The following KIAA1549 variants were observed in gnomAD, a reference collection of about 807,000 sequenced individuals.
The protein encoded by KIAA1549 is UPF0606 protein KIAA1549.
Under a neutral mutation model 156.4 loss-of-function variants are expected in KIAA1549, and 70 were observed. The ratio of observed to expected loss-of-function variants is 0.45; its 90% confidence interval spans 0.37 to 0.55. The LOEUF (loss-of-function observed/expected upper bound fraction) is 0.55, where lower values mean the gene tolerates loss of function less well. KIAA1549 is among the 20% of genes least tolerant of loss of function. KIAA1549 has a pLI of 0.00. For missense variants in KIAA1549, 2,428 were observed against 2,540.9 expected (o/e 0.96, Z 0.96); for synonymous variants, 1,103 against 1,066.4 (o/e 1.03, Z -0.67).
chr7:138,917,063 T>C lies in KIAA1549; in HGVS notation c.2563A>G (p.Thr855Ala), dbSNP rs1195330485. The change falls in exon 2 of 20, where the codon ACC becomes GCC. Residue 855 changes from threonine to alanine, a missense_variant. This residue lies in a region of KIAA1549 where 762 missense variants were observed against 901.6 expected (regional missense o/e 0.85). Coordinates refer to ENST00000422774, the MANE Select transcript of KIAA1549 (RefSeq NM_001164665.2). ...AGCTCTGTGGGCAGAGGGAAGGGGG[T>C]TGCTTCAGAAACAAACGAGGATCCT... The part of the protein sequence containing the change: ...PSGSSFVSEA[T>A]PFPLPTELTV... 1.2e-6 allele frequency: 2 copies of C among 1,607,474 alleles called. No homozygotes were observed. Among genetic ancestry groups the C allele is most frequent in the South Asian group, 2.2e-5 (2 of 89,662 alleles).
rs1183718241 is a variant in KIAA1549, at chr7:138,835,199, C to T, written c.*2707G>A. On this transcript the variant is annotated 3_prime_UTR_variant, in exon 20 of 20. Transcript: ENST00000422774. ...TGAAGACCGCTAGGGTACGGTGCTG[C>T]TCACACAGCTAGTTTTTTCTGAGTT... 9.2e-6 allele frequency: 2 copies of T among 217,122 alleles called. No individual in the cohort carries two copies. Among genetic ancestry groups the T allele is most frequent in the African/African-American group, 4.5e-5 (2 of 44,366 alleles). The allele number at this position is 217,122 out of a possible 1,614,324, so 13.4% of individuals were successfully genotyped here.
At chr7:138,878,859 ACAGC>A (rs2130400777) in intron 12 of KIAA1549, among the ~76,000 whole-genome samples, 1 of 152,230 alleles carries the variant, frequency 6.6e-6, no homozygotes, top group East Asian at 1.9e-4. Context: ...AGCAAATACA[ACAGC>A]TGCAGTAGCA....
chr7:138,951,032 C>G (rs1330173649), intron 1 of KIAA1549, among the ~76,000 whole-genome samples: 1 of 152,134 alleles, frequency 6.6e-6, no homozygotes, highest in Admixed American at 6.6e-5. Flanking sequence ...TAACCCTCCC[C>G]ATCCTTTGCA....
chr7:138,929,016 T>C (rs1812799359), intron 1 of KIAA1549, among the ~76,000 whole-genome samples: 2 of 152,190 alleles, frequency 1.3e-5, no homozygotes, highest in African/African-American at 4.8e-5. Context: ...TTGGTGGTGT[T>C]TTATCTCAGT....
chr7:138,976,291 G>A (rs1327053361), intron 1 of KIAA1549, among the ~76,000 whole-genome samples: 1 of 152,110 alleles, frequency 6.6e-6, no homozygotes, highest in African/African-American at 2.4e-5. Context: ...TGGCCAGGCT[G>A]GTCTCCAACT....
intron 6 of KIAA1549, 38 bp from the exon 7 acceptor site, chr7:138,905,119 C>T (rs1348875559): frequency 5.8e-6 from 8 of 1,388,398 alleles, no homozygotes; most frequent in African/African-American, 1.4e-5. Flanking sequence ...AGAAAAATAT[C>T]TGTAAAAACA....
At position 138,831,887 on chromosome 7, in the gene KIAA1549, C is replaced by CA; in HGVS notation, c.*6018_*6019insT. 4.3e-6 allele frequency: 1 copy of CA among 233,008 alleles called. No homozygotes were observed. 14.4% of individuals were successfully genotyped at this position (233,008 alleles called of 1,614,324 possible). A position where few individuals can be genotyped will look rare whatever the true frequency, so the allele number is the denominator to read the frequency against. ...TCGAGGGCGTTCCCACTCCCCTTTT[C>CA]TGAAACAAGTCCTCTGGTGCTTAGA... is the stretch of plus-strand genomic sequence containing the variant. On this transcript the variant is annotated 3_prime_UTR_variant, in exon 20 of 20. Transcript: ENST00000422774.
chr7:138,871,635 T>C (rs915109121), intron 12 of KIAA1549, among the ~76,000 whole-genome samples: 3 of 152,244 alleles, frequency 2.0e-5, no homozygotes, highest in Non-Finnish European at 4.4e-5. Flanking sequence ...CTGCACTGTT[T>C]TGTCTGTGGT....
At chr7:138,935,646 C>T (rs1465495373) in intron 1 of KIAA1549, among the ~76,000 whole-genome samples, 5 of 152,208 alleles carry the variant, frequency 3.3e-5, no homozygotes, top group African/African-American at 1.2e-4. Flanking sequence ...TGAGCAGGCA[C>T]CTTCCCTCCC....
chr7:138,912,223 G>A (rs1387060562), intron 3 of KIAA1549, 149 bp downstream of exon 3: 13 of 697,186 alleles, frequency 1.9e-5, no homozygotes, highest in Non-Finnish European at 3.4e-5. Context: ...TGGAGATCCA[G>A]AGGATGAGCA....
intron 3 of KIAA1549, 84 bp from the exon 4 acceptor site, chr7:138,911,407 A>C: frequency 9.4e-7 from 1 of 1,069,404 alleles, no homozygotes; most frequent in Non-Finnish European, 1.3e-6. Context: ...AAACTAAAAA[A>C]ACTGGTAGTT....
At chr7:138,850,148 A>G (rs1406532429) in intron 17 of KIAA1549, among the ~76,000 whole-genome samples, 2 of 152,216 alleles carry the variant, frequency 1.3e-5, no homozygotes, top group Non-Finnish European at 2.9e-5. Flanking sequence ...ATTTATTTAA[A>G]TATACTAATC....
At chr7:138,906,734 T>C (rs1563072013) in intron 6 of KIAA1549, among the ~76,000 whole-genome samples, 185 bp downstream of exon 6, 1 of 151,646 alleles carries the variant, frequency 6.6e-6, no homozygotes, top group Non-Finnish European at 1.5e-5. Context: ...TGCACCAGGA[T>C]CTCAAAAATC....
At chr7:138,932,217 G>A (rs781724847) in intron 1 of KIAA1549, among the ~76,000 whole-genome samples, 6 of 152,228 alleles carry the variant, frequency 3.9e-5, no homozygotes, top group Non-Finnish European at 5.9e-5. Context: ...ACATGCTCGT[G>A]TAAGTTCTTT....
intron 9 of KIAA1549, among the ~76,000 whole-genome samples, chr7:138,896,987 G>T (rs915444299): frequency 1.3e-5 from 2 of 152,072 alleles, no homozygotes; most frequent in African/African-American, 4.8e-5. Context: ...GCTGCCTTTG[G>T]GCTATCCCTG....
At chr7:138,869,935 C>T (rs1221630193) in intron 13 of KIAA1549, among the ~76,000 whole-genome samples, 174 bp from the exon 14 acceptor site, 2 of 152,156 alleles carry the variant, frequency 1.3e-5, no homozygotes, top group Non-Finnish European at 2.9e-5. Context: ...CTGCAACCTC[C>T]ACTTCCCGGG....
chr7:138,929,682 T>C (rs1812817780), intron 1 of KIAA1549, among the ~76,000 whole-genome samples: 1 of 152,270 alleles, frequency 6.6e-6, no homozygotes, highest in African/African-American at 2.4e-5. Flanking sequence ...ATATTTCTTT[T>C]ATCTTTTTGT....
intron 1 of KIAA1549, among the ~76,000 whole-genome samples, chr7:138,944,168 C>G (rs1584774946): frequency 6.6e-6 from 1 of 151,970 alleles, no homozygotes; most frequent in Non-Finnish European, 1.5e-5. Flanking sequence ...CAATGGATCT[C>G]TTGAACTTAC....
intron 1 of KIAA1549, among the ~76,000 whole-genome samples, chr7:138,934,740 G>A (rs935377772): frequency 6.6e-6 from 1 of 152,144 alleles, no homozygotes; most frequent in African/African-American, 2.4e-5. Flanking sequence ...CAAGTGGAAG[G>A]AAAATAGGAC....
Sources: gnomAD v4.1 joint callset for allele counts (sites outside exome capture counted in the v4.1 genomes callset) on GRCh38, gnomAD v4.1.1 for gene constraint, gnomAD v4.1.1 regional missense constraint, MANE v1.5 for transcripts, NCBI Gene and HGNC (gene_info 2026-07-23, HGNC 2026-07-21) for gene names.